The following PMFBP1 variants were observed in gnomAD, a reference collection of about 807,000 sequenced individuals.
The protein encoded by PMFBP1 is polyamine modulated factor 1 binding protein 1.
PMFBP1 carries 131 observed loss-of-function variants against 137.8 expected under a neutral mutation model. The observed-to-expected ratio is 0.95, with a 90% CI of 0.82 to 1.10. PMFBP1 has a LOEUF of 1.10. Ranked by LOEUF, PMFBP1 falls within the 50% of genes least tolerant of loss-of-function variation. The pLI is 0.00. For missense variants in PMFBP1, 1,199 were observed against 1,175.4 expected (o/e 1.02, Z -0.29); for synonymous variants, 490 against 450.4 (o/e 1.09, Z -1.11).
chr16:72,136,713 T>C lies in PMFBP1; in HGVS notation c.1025A>G (p.Gln342Arg). ...LRVELEAVSE[Q>R]KRNIMKDMMK... ...TTTACCCTTCATGATGTTTCTCTTCTGTTCCGACACGGCCTCTAGTTCCAC... is the reference window on the plus strand; with the variant it reads ...TTTACCCTTCATGATGTTTCTCTTCCGTTCCGACACGGCCTCTAGTTCCAC... The change falls in exon 8 of 21, where the codon CAG (glutamine) becomes CGG (arginine). Residue 342 changes from glutamine (Q) to arginine (R), a missense_variant. Physicochemically the swap from Gln to Arg is conservative, Grantham distance 43. Transcript: ENST00000237353. 6.2e-7 allele frequency: 1 copy of C among 1,614,170 alleles called. No individual in the cohort carries two copies. The highest frequency in any genetic ancestry group is 8.5e-7 in the Non-Finnish European group (1 of 1,180,038).
rs1596982349 is a variant in PMFBP1 at position 72,171,441 on chromosome 16, C to A, written c.-60-173G>T. The A allele has an allele frequency of 7.8e-6, 4 of 513,704 alleles. No homozygotes were observed. In the East Asian group the frequency reaches 1.2e-4, roughly 15 times the overall value. 31.8% of individuals were successfully genotyped at this position (513,704 alleles called of 1,614,324 possible). ...TGTGTTTTTAAAAGGGTGTTAAAAC[C>A]TCCAGATGGCAGGACCATGGTTTTA... is the stretch of plus-strand genomic sequence containing the variant. On this transcript the variant is annotated intron_variant, in intron 1 of 20. Coordinates refer to ENST00000237353, the MANE Select transcript of PMFBP1 (RefSeq NM_031293.3).
chr16:72,212,242 G>A, the PMFBP1 span, among the ~76,000 whole-genome samples: 13 of 151,874 alleles, frequency 8.6e-5, no homozygotes, highest in Admixed American at 3.9e-4. Flanking sequence ...AAAGGACTAC[G>A]GGGAGTCTGA....
intron 2 of PMFBP1, among the ~76,000 whole-genome samples, 178 bp from the exon 3 acceptor site, chr16:72,165,094 G>A (rs771597978): frequency 5.9e-5 from 9 of 152,094 alleles, no homozygotes; most frequent in Non-Finnish European, 1.2e-4. Flanking sequence ...GTGTCTGACC[G>A]TTCTGCATTA....
chr16:72,130,211 A>G lies in PMFBP1; in HGVS notation c.1782+2T>C. ...AATGGGCCATCTGCCTGCCCGTCAT[A>G]CCTGGTGCTTGATACGATCAAGCAT... On this transcript the variant is annotated splice_donor_variant, in intron 12 of 20. Coordinates refer to ENST00000237353, the MANE Select transcript of PMFBP1 (RefSeq NM_031293.3). LOFTEE classifies it high-confidence loss of function. 6.2e-7 allele frequency: 1 copy of G among 1,612,178 alleles called. No individual in the cohort carries two copies. Among genetic ancestry groups the G allele is most frequent in the Non-Finnish European group, 8.5e-7 (1 of 1,180,012 alleles).
intron 14 of PMFBP1, among the ~76,000 whole-genome samples, chr16:72,126,380 G>A (rs753067581): frequency 1.3e-4 from 20 of 152,190 alleles, no homozygotes; most frequent in South Asian, 2.1e-4. Flanking sequence ...GAGTACCAGC[G>A]GTGCTGGGGC....
At chr16:72,125,041 T>C (rs1228559654) in intron 16 of PMFBP1, 107 bp from the exon 17 acceptor site, 1 of 1,441,446 alleles carries the variant, frequency 6.9e-7, no homozygotes, top group Admixed American at 2.1e-5. Context: ...GTGTTGGGGG[T>C]ATTTTCTTCT....
At chr16:72,248,234 T>C in the PMFBP1 span, among the ~76,000 whole-genome samples, 3 of 152,250 alleles carry the variant, frequency 2.0e-5, no homozygotes, top group Non-Finnish European at 4.4e-5. Context: ...CAATGATTAG[T>C]TGGCGCTGAC....
At chr16:72,169,636 A>T (rs935266410) in intron 2 of PMFBP1, among the ~76,000 whole-genome samples, 1 of 151,928 alleles carries the variant, frequency 6.6e-6, no homozygotes. Flanking sequence ...AAAAAGATTT[A>T]AAAAATAAAG....
the PMFBP1 span, among the ~76,000 whole-genome samples, chr16:72,244,230 C>T: frequency 6.6e-6 from 1 of 151,950 alleles, no homozygotes; most frequent in Non-Finnish European, 1.5e-5. Flanking sequence ...AAAACAAACC[C>T]TGCACAGATA....
the PMFBP1 span, among the ~76,000 whole-genome samples, chr16:72,220,527 GT>G: frequency 6.6e-6 from 1 of 152,106 alleles, no homozygotes; most frequent in South Asian, 2.1e-4. Context: ...GTAGAGCTTG[GT>G]TTTCCCCTAT....
chr16:72,242,056 C>T, the PMFBP1 span, among the ~76,000 whole-genome samples: 4 of 152,292 alleles, frequency 2.6e-5, no homozygotes, highest in Admixed American at 6.5e-5. Context: ...AGGTGTCTAT[C>T]TTAGCCTTCC....
At chr16:72,173,020 T>C (rs907625348), upstream of PMFBP1, among the ~76,000 whole-genome samples, 2 of 152,140 alleles carry the variant, frequency 1.3e-5, no homozygotes, top group Non-Finnish European at 2.9e-5. Flanking sequence ...TCAAGCAAGA[T>C]TAAAAATAGC....
chr16:72,211,961 C>T, the PMFBP1 span, among the ~76,000 whole-genome samples: 1 of 151,976 alleles, frequency 6.6e-6, no homozygotes, highest in African/African-American at 2.4e-5. Context: ...CCTGCCACTG[C>T]ACTTCAGTCT....
the PMFBP1 span, among the ~76,000 whole-genome samples, chr16:72,196,028 T>C: frequency 2.0e-5 from 2 of 100,568 alleles, no homozygotes; most frequent in Non-Finnish European, 4.3e-5. Context: ...TGTGTGTGTG[T>C]GTGAAAGAGA....
intron 2 of PMFBP1, 106 bp from the exon 3 acceptor site, chr16:72,165,022 C>T (rs1039833855): frequency 1.6e-6 from 2 of 1,228,926 alleles, no homozygotes; most frequent in Non-Finnish European, 2.2e-6. Flanking sequence ...GGAAATTTGT[C>T]CATCAACCAT....
the PMFBP1 span, among the ~76,000 whole-genome samples, chr16:72,245,365 C>T: frequency 3.9e-5 from 6 of 152,052 alleles, no homozygotes; most frequent in Admixed American, 1.3e-4. Context: ...ACTGAGATGC[C>T]GTGAGGTTCA....
At chr16:72,248,954 G>A in the PMFBP1 span, among the ~76,000 whole-genome samples, 2 of 152,166 alleles carry the variant, frequency 1.3e-5, no homozygotes. Context: ...ACCTTTTGAA[G>A]TGTGATCCCT....
chr16:72,184,687 T>C, the PMFBP1 span, among the ~76,000 whole-genome samples: 2 of 152,216 alleles, frequency 1.3e-5, no homozygotes. Context: ...ACCACTACTA[T>C]ATATTGCATC....
chr16:72,192,694 G>A, the PMFBP1 span, among the ~76,000 whole-genome samples: 1 of 151,960 alleles, frequency 6.6e-6, no homozygotes, highest in African/African-American at 2.4e-5. Flanking sequence ...CCCACGTCAG[G>A]AGATCAAGAC....
Sources: gnomAD v4.1 joint callset for allele counts (sites outside exome capture counted in the v4.1 genomes callset) on GRCh38, gnomAD v4.1.1 for gene constraint, MANE v1.5 for transcripts, NCBI Gene and HGNC (gene_info 2026-07-23, HGNC 2026-07-21) for gene names.